RGS5: variants seen among roughly 807,000 people sequenced by gnomAD.
RGS5 encodes the protein regulator of G-protein signalling 5.
A neutral mutation model predicts 18.9 loss-of-function variants in RGS5; 20 were observed. The observed-to-expected ratio is 1.06, with a 90% confidence interval of 0.74 to 1.54. The LOEUF (loss-of-function observed/expected upper bound fraction) is 1.54. RGS5 is among the 40% of genes most tolerant of loss of function. The pLI is 0.00. For missense variants in RGS5, 201 were observed against 211.8 expected (o/e 0.95, Z 0.32); for synonymous variants, 57 against 76.2 (o/e 0.75, Z 1.31).
chr1:163,185,587 A>G (rs1659035179), intron 1 of RGS5, among the ~76,000 whole-genome samples: 1 of 152,118 alleles, frequency 6.6e-6, no homozygotes, highest in Non-Finnish European at 1.5e-5. Context: ...TGTTCCTTGC[A>G]AGGGGCCCTT....
At chr1:163,195,601 TA>T (rs1434371854) in intron 1 of RGS5, among the ~76,000 whole-genome samples, 1 of 151,744 alleles carries the variant, frequency 6.6e-6, no homozygotes, top group Non-Finnish European at 1.5e-5. Flanking sequence ...TAATTTAAAA[TA>T]TATATATATT....
At chr1:163,262,151 C>CTTTTTTTTTTTTTTTTT (rs532698783) in intron 2 of RGS5, among the ~76,000 whole-genome samples, 1 of 121,124 alleles carries the variant, frequency 8.3e-6, no homozygotes, top group Non-Finnish European at 1.7e-5. Flanking sequence ...AGTTTTGAAA[C>CTTTTTTTTTTTTTTTTT]TTTTTTTTTT....
intron 1 of RGS5, among the ~76,000 whole-genome samples, chr1:163,307,223 T>C (rs936959341): frequency 6.6e-6 from 1 of 152,158 alleles, no homozygotes; most frequent in Admixed American, 6.5e-5. Context: ...CACATCCCTC[T>C]TCTAAGTCAA....
At chr1:163,152,254 G>C (rs1344986117) in intron 4 of RGS5, among the ~76,000 whole-genome samples, 2 of 152,082 alleles carry the variant, frequency 1.3e-5, no homozygotes, top group Non-Finnish European at 2.9e-5. Context: ...TTTCACAAAG[G>C]AAGAAATGAG....
chr1:163,207,973 C>T (rs1659988835), intron 1 of RGS5, among the ~76,000 whole-genome samples: 1 of 151,856 alleles, frequency 6.6e-6, no homozygotes, highest in Non-Finnish European at 1.5e-5. Context: ...TCATAAAAGA[C>T]ATAATTATTC....
intron 2 of RGS5, among the ~76,000 whole-genome samples, chr1:163,226,786 GA>G: frequency 6.6e-6 from 1 of 152,102 alleles, no homozygotes; most frequent in South Asian, 2.1e-4. Context: ...TATCCAGTGG[GA>G]AAAAAGGGTT....
chr1:163,185,563 C>T (rs534810287), intron 1 of RGS5, among the ~76,000 whole-genome samples: 4 of 152,322 alleles, frequency 2.6e-5, no homozygotes, highest in Admixed American at 6.5e-5. Context: ...CCAGCTGTCT[C>T]ATTTACTTTC....
At chr1:163,225,792 C>A (rs1647318351) in intron 2 of RGS5, among the ~76,000 whole-genome samples, 2 of 152,200 alleles carry the variant, frequency 1.3e-5, no homozygotes, top group Admixed American at 1.3e-4. Flanking sequence ...AGGCCAGAAT[C>A]TCAGCACTGA....
chr1:163,172,508 C>CT, intron 1 of RGS5: 1 of 1,537,812 alleles, frequency 6.5e-7, no homozygotes, highest in South Asian at 1.2e-5. Flanking sequence ...TCATTTATAA[C>CT]ATTGCCAAGA....
chr1:163,230,743 C>A (rs1371836583), intron 2 of RGS5, among the ~76,000 whole-genome samples: 2 of 152,118 alleles, frequency 1.3e-5, no homozygotes, highest in Non-Finnish European at 2.9e-5. Context: ...TTCAGGAACT[C>A]ACAGCATATT....
chr1:163,155,155 A>G (rs1657532239), intron 3 of RGS5, among the ~76,000 whole-genome samples: 1 of 152,064 alleles, frequency 6.6e-6, no homozygotes, highest in Non-Finnish European at 1.5e-5. Context: ...GTCTGTGACA[A>G]ATTTATTCTA....
chr1:163,289,352 G>C (rs1212628945), intron 2 of RGS5, among the ~76,000 whole-genome samples: 1 of 151,580 alleles, frequency 6.6e-6, no homozygotes, highest in Admixed American at 6.6e-5. Flanking sequence ...CCTCCAGAAA[G>C]GATTTTCAGA....
At chr1:163,161,074 G>A (rs1657778801) in intron 3 of RGS5, among the ~76,000 whole-genome samples, 1 of 152,154 alleles carries the variant, frequency 6.6e-6, no homozygotes. Context: ...GTTCTGGATG[G>A]TCAAGGAACA....
chr1:163,231,716 C>A (rs981987693), intron 2 of RGS5, among the ~76,000 whole-genome samples: 1 of 148,066 alleles, frequency 6.8e-6, no homozygotes, highest in Non-Finnish European at 1.5e-5. Flanking sequence ...ATTAGTCCTC[C>A]TTTATCTGGT....
intron 1 of RGS5, among the ~76,000 whole-genome samples, chr1:163,183,353 G>A (rs1197824839): frequency 3.3e-5 from 5 of 152,142 alleles, no homozygotes; most frequent in Admixed American, 6.5e-5. Flanking sequence ...GATTTTAATA[G>A]AGCAACCACC....
intron 2 of RGS5, among the ~76,000 whole-genome samples, chr1:163,303,247 T>A (rs1035382016): frequency 1.6e-4 from 24 of 152,358 alleles, no homozygotes; most frequent in African/African-American, 5.8e-4. Context: ...TATCTAGCAA[T>A]CCTCCCAACA....
intron 1 of RGS5, among the ~76,000 whole-genome samples, chr1:163,315,695 C>T (rs1325229931): frequency 6.6e-6 from 1 of 152,094 alleles, no homozygotes; most frequent in Non-Finnish European, 1.5e-5. Flanking sequence ...CAGCTCAGTT[C>T]TGAAATCCAC....
Position 163,286,321 on chromosome 1 carries a change from C to A in RGS5, c.-281+19912G>T, listed in dbSNP as rs184751841. On this transcript the variant is annotated intron_variant, in intron 2 of 5. Coordinates refer to the RGS5 transcript ENST00000618415. ...CTTGAGCATTAGTAGATTTTAGTATCCTCGGGGAGTAGGGAGTAGGGAGAG... is the reference window on the plus strand; with the variant it reads ...CTTGAGCATTAGTAGATTTTAGTATACTCGGGGAGTAGGGAGTAGGGAGAG... Among the ~76,000 whole-genome samples the A allele has an allele frequency of 1.8e-4, 27 of 152,086 alleles. No homozygotes were observed. The East Asian group carries it at 5.2e-3, about 29-fold the overall frequency.
intron 2 of RGS5, among the ~76,000 whole-genome samples, chr1:163,233,705 G>C (rs1456148206): frequency 6.6e-6 from 1 of 152,098 alleles, no homozygotes; most frequent in Non-Finnish European, 1.5e-5. Flanking sequence ...GCAGGCAGGG[G>C]GTGGATCTTA....
Sources: allele counts gnomAD v4.1 joint callset (sites outside exome capture counted in the v4.1 genomes callset), GRCh38; gene constraint gnomAD v4.1.1; transcripts MANE v1.5; gene names NCBI Gene and HGNC (gene_info 2026-07-23, HGNC 2026-07-21).